Variants in NKIRAS2 observed in about 807,000 individuals in gnomAD.
NKIRAS2 encodes the protein NFKB inhibitor interacting Ras like 2, also known as NF-kappa-B inhibitor-interacting Ras-like protein 2.
In NKIRAS2, 15 loss-of-function variants were observed where a neutral mutation model predicts 20.7. The ratio of observed to expected loss-of-function variants is 0.73; its 90% CI spans 0.49 to 1.12. The LOEUF (loss-of-function observed/expected upper bound fraction) is 1.12. Ranked by LOEUF, NKIRAS2 falls within the 50% of genes most tolerant of loss-of-function variation. The pLI, the probability that NKIRAS2 is intolerant of heterozygous loss-of-function variation, is 0.00. For missense variants in NKIRAS2, 196 were observed against 249.6 expected (o/e 0.79, Z 1.45); for synonymous variants, 116 against 101.4 (o/e 1.14, Z -0.87).
intron 3 of NKIRAS2, chr17:42,023,153 C>T: frequency 3.7e-6 from 1 of 273,848 alleles, no homozygotes; most frequent in South Asian, 2.9e-5. Context: ...TGCATGCCAC[C>T]ACACCTGGCT....
At chr17:42,020,771 TGC>T in intron 1 of NKIRAS2, 1 of 152,414 alleles carries the variant, frequency 6.6e-6, no homozygotes, top group Non-Finnish European at 1.5e-5. Context: ...AGTCTTGCTC[TGC>T]CGCCCAGGCT....
At chr17:42,018,192 C>T (rs1234150011), upstream of NKIRAS2, among the ~76,000 whole-genome samples, 1 of 152,138 alleles carries the variant, frequency 6.6e-6, no homozygotes, top group African/African-American at 2.4e-5. Context: ...AGTACTCCCA[C>T]CTCTTATATA....
intron 3 of NKIRAS2, chr17:42,022,886 T>C: frequency 2.2e-6 from 1 of 449,092 alleles, no homozygotes; most frequent in Non-Finnish European, 4.1e-6. Flanking sequence ...CATTTAGTTG[T>C]TGAAGGGGTC....
At chr17:42,021,493 T>C (rs1240991906) in intron 1 of NKIRAS2, 71 bp from the exon 2 acceptor site, 1 of 1,308,180 alleles carries the variant, frequency 7.6e-7, no homozygotes, top group Non-Finnish European at 1.1e-6. Flanking sequence ...CCAGAAAACA[T>C]CTGCTAGTAA....
intron 3 of NKIRAS2, 106 bp from the exon 4 acceptor site, chr17:42,023,548 C>T (rs1488015944): frequency 5.3e-6 from 5 of 951,788 alleles, no homozygotes; most frequent in Non-Finnish European, 8.1e-6. Context: ...GAGATATCAG[C>T]CATTGAGCTT....
At chr17:42,020,492 G>C (rs1369562253) in intron 1 of NKIRAS2, 2 of 152,024 alleles carry the variant, frequency 1.3e-5, no homozygotes, top group South Asian at 2.1e-4. Context: ...GGAGCTTTTG[G>C]GGGGCTTGTG....
chr17:42,021,436 G>C (rs1297521003), intron 1 of NKIRAS2, 128 bp from the exon 2 acceptor site: 1 of 717,328 alleles, frequency 1.4e-6, no homozygotes, highest in Non-Finnish European at 2.5e-6. Flanking sequence ...AGAACTCTCA[G>C]TTATGGACGT....
At chr17:42,017,671 G>A (rs920114215), upstream of NKIRAS2, 12 of 580,460 alleles carry the variant, frequency 2.1e-5, no homozygotes, top group Admixed American at 9.2e-5. Context: ...AAGGCGGGGT[G>A]TACCGGTGGT....
At chr17:42,020,277 G>GTC (rs1212482437) in intron 1 of NKIRAS2, 73 bp downstream of exon 1, 16 of 152,446 alleles carry the variant, frequency 1.0e-4, no homozygotes, top group African/African-American at 3.9e-4. Flanking sequence ...TAGGTGGCTG[G>GTC]TCTCTGCCTC....
intron 1 of NKIRAS2, 28 bp downstream of exon 1, chr17:42,020,232 C>T (rs924154218): frequency 1.3e-5 from 2 of 152,314 alleles, no homozygotes; most frequent in African/African-American, 4.8e-5. Flanking sequence ...GAGGCTCGTC[C>T]GGCGCTAGGA....
chr17:42,022,339 T>C, intron 2 of NKIRAS2, 60 bp from the exon 3 acceptor site: 1 of 1,524,108 alleles, frequency 6.6e-7, no homozygotes, highest in Non-Finnish European at 8.8e-7. Context: ...TAAGATGCTC[T>C]CATCACTCAC....
chr17:42,023,039 G>A, intron 3 of NKIRAS2: 1 of 308,994 alleles, frequency 3.2e-6, no homozygotes, highest in Non-Finnish European at 6.5e-6. Context: ...GTCTCACTCT[G>A]CCACCCAGGC....
In NKIRAS2 at chr17:42,022,588, A is replaced by G. The variant is rs782391365; in HGVS notation, c.284A>G (p.Gln95Arg). Reference sequence around the variant, plus strand: ...AGCACAGATAGCAGAGAGTCTTTTCAGCGTGTGGAGCTGCTCAAGAAGGAG... The same window carrying G: ...AGCACAGATAGCAGAGAGTCTTTTCGGCGTGTGGAGCTGCTCAAGAAGGAG... Reference protein sequence around the residue: ...VYSTDSRESFQRVELLKKEID... With the variant: ...VYSTDSRESFRRVELLKKEID... Residue 95 changes from glutamine (Q) to arginine (R), a missense_variant, in exon 3 of 4, where the codon CAG (glutamine) becomes CGG (arginine). Transcript: ENST00000393885. The G allele has an allele frequency of 6.2e-7, 1 of 1,614,056 alleles. No homozygotes were observed. Among genetic ancestry groups the G allele is most frequent in the Non-Finnish European group, 8.5e-7 (1 of 1,179,960 alleles).
chr17:42,024,014 C>G lies in NKIRAS2; in HGVS notation c.*121C>G, dbSNP rs1289866206. The G allele has an allele frequency of 1.2e-5, 18 of 1,447,228 alleles. No individual in the cohort carries two copies. The highest frequency in any genetic ancestry group is 9.1e-7 in the Non-Finnish European group (1 of 1,093,638). The allele number at this position is 1,447,228 out of a possible 1,614,324, so 89.6% of individuals were successfully genotyped here. On this transcript the variant is annotated 3_prime_UTR_variant, in exon 4 of 4. Coordinates refer to ENST00000393885, the MANE Select transcript of NKIRAS2 (RefSeq NM_017595.6). Reference sequence around the variant, plus strand: ...CCCAGTCAGCCAGGGAGCTCCCCGCCAGGCCACGCCCCAGCCACTTTGCTC... The same window carrying G: ...CCCAGTCAGCCAGGGAGCTCCCCGCGAGGCCACGCCCCAGCCACTTTGCTC...
At chr17:42,021,219 A>G in intron 1 of NKIRAS2, 1 of 236,402 alleles carries the variant, frequency 4.2e-6, no homozygotes, top group Non-Finnish European at 8.6e-6. Flanking sequence ...CCCAGTGGCC[A>G]GTGACTCTCC....
chr17:42,020,148 C>T lies in NKIRAS2; in HGVS notation c.-71C>T, dbSNP rs1303071461. On this transcript the variant is annotated 5_prime_UTR_variant, in exon 1 of 4. Transcript: ENST00000393885. ...TGGAGCCTTTGCGGCGGCGCTGCCCCTCCCCTGGTCCCCGCGAGCTCGGAG... is the reference window on the plus strand; with the variant it reads ...TGGAGCCTTTGCGGCGGCGCTGCCCTTCCCCTGGTCCCCGCGAGCTCGGAG... 2 of 152,396 alleles carry T rather than the reference C, an allele frequency of 1.3e-5. No individual in the cohort carries two copies. The highest frequency in any genetic ancestry group is 2.4e-5 in the African/African-American group (1 of 41,474). 9.4% of individuals were successfully genotyped at this position (152,396 alleles called of 1,614,324 possible).
rs781974835 is a variant in NKIRAS2, at chr17:42,023,797, C to T, written c.480C>T (p.Pro160=). The change falls in exon 4 of 4, where the codon CCC becomes CCT. Residue 160 remains proline, a synonymous_variant. Transcript: ENST00000393885. ...CGGACCGGCGCTCCCTCCTGGAGCC[C>T]TTTGTCTACTTGGCCAGCAAGATGA... ...SVADRRSLLE[P]FVYLASKMTQ... is the part of the protein sequence containing the mutation. 1.2e-5 allele frequency: 20 copies of T among 1,614,010 alleles called. No individual in the cohort carries two copies. The Admixed American group carries it at 3.3e-4, about 27-fold the overall frequency.
At position 42,020,199 on chromosome 17, in the gene NKIRAS2, C is replaced by T. The variant is rs546115868; in HGVS notation, c.-20C>T. On this transcript the variant is annotated 5_prime_UTR_variant, in exon 1 of 4. Coordinates refer to ENST00000393885, the MANE Select transcript of NKIRAS2 (RefSeq NM_017595.6). ...GGCCCGGCTGGTGCTGCGGGGGCCC[C>T]GGGAGGTACGGACCTGGGAGGCGAG... The T allele has an allele frequency of 2.0e-5, 3 of 152,464 alleles. No homozygotes were observed. Among genetic ancestry groups the T allele is most frequent in the East Asian group, 3.8e-4 (2 of 5,202 alleles). 9.4% of individuals were successfully genotyped at this position (152,464 alleles called of 1,614,324 possible).
chr17:42,022,455 CG>C lies in NKIRAS2; in HGVS notation c.157del (p.Val53CysfsTer78). 4.3e-6 allele frequency: 7 copies of C among 1,610,842 alleles called. No homozygotes were observed. Among genetic ancestry groups the C allele is most frequent in the East Asian group, 2.2e-5 (1 of 44,752 alleles). On this transcript the variant is annotated frameshift_variant, in exon 3 of 4. Coordinates refer to ENST00000393885, the MANE Select transcript of NKIRAS2 (RefSeq NM_017595.6). LOFTEE classifies it high-confidence loss of function. ...CTACGTGGGCTCCATTGAGACAGAC[CG>C]GGGGGTGCGAGAGCAGGTGCGTTTC... ...DIYVGSIETD[R>X]GVREQVRFYD...
Sources: gnomAD v4.1 joint callset for allele counts (sites outside exome capture counted in the v4.1 genomes callset) on GRCh38, gnomAD v4.1.1 for gene constraint, MANE v1.5 for transcripts, NCBI Gene and HGNC (gene_info 2026-07-23, HGNC 2026-07-21) for gene names.